MYH2: variants seen among roughly 807,000 people sequenced by gnomAD.
MYH2 encodes the protein myosin heavy chain 2.
A neutral mutation model predicts 228.1 loss-of-function variants in MYH2; 139 were observed. The ratio of observed to expected loss-of-function variants is 0.61; its 90% CI spans 0.53 to 0.70. The LOEUF is 0.70. Among genes scored for constraint, MYH2 ranks in the 30% least tolerant of loss-of-function variants. The pLI is 0.00. For synonymous variants in MYH2, 796 were observed against 871.1 expected (o/e 0.91, Z 1.52); for missense variants, 1,809 against 2,357.5 (o/e 0.77, Z 4.82).
At chr17:10,543,621 G>A in intron 8 of MYH2, 90 bp downstream of exon 8, 1 of 1,531,716 alleles carries the variant, frequency 6.5e-7, no homozygotes, top group Non-Finnish European at 9.0e-7. Flanking sequence ...TAATAGAATG[G>A]GAATGAAAAA....
chr17:10,545,294 T>C, intron 5 of MYH2, 52 bp downstream of exon 5: 1 of 1,611,852 alleles, frequency 6.2e-7, no homozygotes, highest in South Asian at 1.1e-5. Context: ...CTCTTTCTCC[T>C]ATGGTTCTGC....
At position 10,531,615 on chromosome 17, in the gene MYH2, G is replaced by A. The variant is rs1195911829; in HGVS notation, c.2697+18C>T. 1.2e-5 allele frequency: 19 copies of A among 1,614,074 alleles called. No individual in the cohort carries two copies. Among genetic ancestry groups the A allele is most frequent in the Non-Finnish European group, 1.6e-5 (19 of 1,180,006 alleles). On this transcript the variant is annotated intron_variant, in intron 22 of 39. Transcript: ENST00000245503. ...CTGCATCCTGGTTAGTGATACCAAG[G>A]GTGATATTCCAACTCACAGCCTGAA...
At position 10,543,180 on chromosome 17, in the gene MYH2, A is replaced by G; in HGVS notation, c.742-19T>C. 6.4e-7 allele frequency: 1 copy of G among 1,566,994 alleles called. No individual in the cohort carries two copies. Among genetic ancestry groups the G allele is most frequent in the Non-Finnish European group, 8.7e-7 (1 of 1,143,036 alleles). The stretch of plus-strand genomic sequence containing the variant: ...ATTTACCCTTGAAATAAAAGCTAAT[A>G]TTACTACCTTTTTTTTATATAATAT... On this transcript the variant is annotated intron_variant, in intron 8 of 39. Coordinates refer to ENST00000245503, the MANE Select transcript of MYH2 (RefSeq NM_017534.6).
chr17:10,533,566 C>G lies in MYH2; in HGVS notation c.2247G>C (p.Glu749Asp). 6.2e-7 allele frequency: 1 copy of G among 1,614,162 alleles called. No homozygotes were observed. Among genetic ancestry groups the G allele is most frequent in the Non-Finnish European group, 8.5e-7 (1 of 1,179,992 alleles). The change falls in exon 20 of 40, where the codon GAG (glutamate) becomes GAC (aspartate). Residue 749 changes from glutamate to aspartate, a missense_variant. Physicochemically the swap from Glu to Asp is conservative, Grantham distance 45. This residue lies in a region of MYH2 where 276 missense variants were observed against 344.2 expected (regional missense o/e 0.80). Coordinates refer to ENST00000245503, the MANE Select transcript of MYH2 (RefSeq NM_017534.6). ...GQFIDSKKASEKLLASIDIDH... is the reference protein window; with the variant it reads ...GQFIDSKKASDKLLASIDIDH... ...CAATGTCGATGGATGCAAGGAGCTTCTCAGAGGCCTTCTTGCTATCAATGA... is the reference window on the plus strand; with the variant it reads ...CAATGTCGATGGATGCAAGGAGCTTGTCAGAGGCCTTCTTGCTATCAATGA...
chr17:10,549,096 A>C (rs1188378420), intron 2 of MYH2, among the ~76,000 whole-genome samples: 1 of 152,228 alleles, frequency 6.6e-6, no homozygotes, highest in Non-Finnish European at 1.5e-5. Flanking sequence ...ATTTTTAGCC[A>C]GGGAATCTGA....
chr17:10,545,022 T>TGTGTGTGTGC (rs1175982258), intron 5 of MYH2, among the ~76,000 whole-genome samples: 5 of 151,966 alleles, frequency 3.3e-5, no homozygotes, highest in Admixed American at 3.3e-4. Flanking sequence ...TGAGTGTGTG[T>TGTGTGTGTGC]GTGTGTGTGT....
Position 10,535,378 on chromosome 17 carries a change from G to GA in MYH2, c.1975-14dup, listed in dbSNP as rs537155384. The stretch of plus-strand genomic sequence containing the variant: ...TGTTCAAATTCTCCTGTAAAACCAG[G>GA]AAAAATCCTGTCATTTTAGGCTCTA... On this transcript the variant is annotated splice_polypyrimidine_tract_variant and intron_variant, in intron 17 of 39. Coordinates refer to ENST00000245503, the MANE Select transcript of MYH2 (RefSeq NM_017534.6). 176 of 1,607,688 alleles carry GA rather than the reference G, an allele frequency of 1.1e-4. No homozygotes were observed. The highest frequency in any genetic ancestry group is 1.4e-4 in the Non-Finnish European group (168 of 1,174,448).
At chr17:10,543,186 AC>A (rs776924407) in intron 8 of MYH2, 25 bp from the exon 9 acceptor site, 8 of 1,535,382 alleles carry the variant, frequency 5.2e-6, no homozygotes, top group Admixed American at 3.4e-5. Context: ...TAATATTACT[AC>A]CTTTTTTTTA....
At chr17:10,534,947 TA>T in intron 19 of MYH2, 125 bp downstream of exon 19, 1 of 1,221,600 alleles carries the variant, frequency 8.2e-7, no homozygotes, top group Non-Finnish European at 1.2e-6. Flanking sequence ...TTGAGACTTG[TA>T]ATTTTTTTAC....
chr17:10,539,981 A>G lies in MYH2; in HGVS notation c.1094T>C (p.Leu365Pro), dbSNP rs1249443422. 1 of 1,614,102 alleles carries G rather than the reference A, an allele frequency of 6.2e-7. No individual in the cohort carries two copies. The highest frequency in any genetic ancestry group is 8.5e-7 in the Non-Finnish European group (1 of 1,180,006). Residue 365 changes from leucine (L) to proline (P), a missense_variant, in exon 12 of 40, where the codon CTA becomes CCA. Physicochemically the swap from Leu to Pro is moderately conservative, Grantham distance 98. Transcript: ENST00000245503. ...CTCACGCTGCTTTTGCTTAAATTTT[A>G]GGTTCCCATAATGCATCACAGCCCC... ...LTGAVMHYGN[L>P]KFKQKQREEQ...
chr17:10,523,971 A>C (rs1265803471), intron 35 of MYH2, 87 bp from the exon 36 acceptor site: 12 of 1,409,296 alleles, frequency 8.5e-6, no homozygotes, highest in Non-Finnish European at 9.7e-6. Flanking sequence ...TCAGATAAAA[A>C]TTTGCAAGTC....
At chr17:10,521,461 C>T (rs1218371268) in intron 39 of MYH2, 29 bp from the exon 40 acceptor site, 2 of 1,610,928 alleles carry the variant, frequency 1.2e-6, no homozygotes, top group South Asian at 1.1e-5. Context: ...TTGTAAGGAA[C>T]TCATACTTGC....
rs2073408885 is a variant in MYH2 at position 10,530,189 on chromosome 17, CCTT to C, written c.2698-118_2698-116del. 32 of 1,577,010 alleles carry C rather than the reference CCTT, an allele frequency of 2.0e-5. No homozygotes were observed. In the South Asian group the frequency reaches 3.6e-4, roughly 18 times the overall value. The stretch of plus-strand genomic sequence containing the variant: ...AATTTCCTATATTCATTTGTTTACT[CCTT>C]CACAAATTTTTGTTTCATGAACCAC... On this transcript the variant is annotated intron_variant, in intron 22 of 39. Transcript: ENST00000245503.
At position 10,534,975 on chromosome 17, in the gene MYH2, A is replaced by G. The variant is rs1567732560; in HGVS notation, c.2180+98T>C. 4.0e-5 allele frequency: 55 copies of G among 1,373,070 alleles called. No homozygotes were observed. The East Asian group carries it at 1.3e-3, about 31-fold the overall frequency. 85.1% of individuals were successfully genotyped at this position (1,373,070 alleles called of 1,614,324 possible). A position where few individuals can be genotyped will look rare whatever the true frequency, so the allele number is the denominator to read the frequency against. ...TTTTTTTACTTCTTTTTGTGACAAA[A>G]CTAACAAGTAGAGGCATATGTTTCA... On this transcript the variant is annotated intron_variant, in intron 19 of 39. Transcript: ENST00000245503.
At chr17:10,526,120 A>G (rs978154828) in intron 30 of MYH2, among the ~76,000 whole-genome samples, 1 of 152,206 alleles carries the variant, frequency 6.6e-6, no homozygotes, top group Non-Finnish European at 1.5e-5. Flanking sequence ...ACAATAAGCA[A>G]ATCAGAACAT....
chr17:10,548,721 T>G (rs1286095756), intron 2 of MYH2, among the ~76,000 whole-genome samples: 1 of 152,202 alleles, frequency 6.6e-6, no homozygotes, highest in African/African-American at 2.4e-5. Flanking sequence ...CAAATTTTCC[T>G]TTGAAGCATG....
At chr17:10,531,609 A>G (rs1597451946) in intron 22 of MYH2, 24 bp downstream of exon 22, 1 of 1,614,160 alleles carries the variant, frequency 6.2e-7, no homozygotes. Flanking sequence ...GGTTAGTGAT[A>G]CCAAGGGTGA....
Position 10,539,164 on chromosome 17 carries a change from C to G in MYH2, c.1416+41G>C, listed in dbSNP as rs1366975789. ...TTCCTTCATATAGATATTTCCATTG[C>G]CTTACTGTAAAATCCTCTCACCAAT... is the stretch of plus-strand genomic sequence containing the variant. On this transcript the variant is annotated intron_variant, in intron 14 of 39. Coordinates refer to ENST00000245503, the MANE Select transcript of MYH2 (RefSeq NM_017534.6). The G allele has an allele frequency of 1.9e-6, 3 of 1,613,446 alleles. No individual in the cohort carries two copies. In the African/African-American group the frequency reaches 4.0e-5, roughly 22 times the overall value.
In MYH2 at chr17:10,529,584, G is replaced by T. The variant is rs201592726; in HGVS notation, c.3097C>A (p.Leu1033Ile). ...VNTLTKAKIK[L>I]EQQVDDLEGS... is the part of the protein sequence containing the mutation. The stretch of plus-strand genomic sequence containing the variant: ...CTTACATCATCCACTTGTTGTTCAA[G>T]TTTGATTTTAGCTTTGGTCAGGGTG... The change falls in exon 24 of 40, where the codon CTT becomes ATT. Residue 1033 changes from leucine (L) to isoleucine (I), a missense_variant. Physicochemically the swap from Leu to Ile is conservative, Grantham distance 5. This residue lies in a region of MYH2 where 636 missense variants were observed against 729.9 expected (regional missense o/e 0.87). Coordinates refer to ENST00000245503, the MANE Select transcript of MYH2 (RefSeq NM_017534.6). 100 of 1,614,064 alleles carry T rather than the reference G, an allele frequency of 6.2e-5. No homozygotes were observed. Among genetic ancestry groups the T allele is most frequent in the Non-Finnish European group, 1.5e-5 (18 of 1,180,052 alleles).
Sources: gnomAD v4.1 joint callset for allele counts (sites outside exome capture counted in the v4.1 genomes callset) on GRCh38, gnomAD v4.1.1 for gene constraint, gnomAD v4.1.1 regional missense constraint, MANE v1.5 for transcripts, NCBI Gene and HGNC (gene_info 2026-07-23, HGNC 2026-07-21) for gene names.